The following UMODL1 variants were observed in gnomAD, a reference collection of about 807,000 sequenced individuals.
UMODL1 encodes uromodulin like 1, also known as uromodulin-like 1.
In UMODL1, 128 loss-of-function variants were observed where a neutral mutation model predicts 136.3. That is an observed-to-expected ratio of 0.94 (90% CI 0.81 to 1.09). The LOEUF (loss-of-function observed/expected upper bound fraction) is 1.09, where lower values mean the gene tolerates loss of function less well. Among genes scored for constraint, UMODL1 ranks in the 50% least tolerant of loss-of-function variants. The pLI is 0.00. For missense variants in UMODL1, 1,766 were observed against 1,725.6 expected, an observed-to-expected ratio of 1.02 and a Z score of -0.41; for synonymous variants, 721 against 720.0, an observed-to-expected ratio of 1.00 and a Z score of -0.02.
At chr21:42,136,453 T>C (rs2067206218) in intron 21 of UMODL1, among the ~76,000 whole-genome samples, 2 of 152,370 alleles carry the variant, frequency 1.3e-5, no homozygotes, top group South Asian at 4.1e-4. Flanking sequence ...ATGTTATTGG[T>C]GCCTCTTGGG....
At chr21:42,076,321 G>A in intron 2 of UMODL1, 74 bp downstream of exon 2, 2 of 1,588,904 alleles carry the variant, frequency 1.3e-6, no homozygotes, top group Non-Finnish European at 1.7e-6. Flanking sequence ...GTCACCGTTG[G>A]CATCCATTGG....
At position 42,113,559 on chromosome 21, in the gene UMODL1, A is replaced by G. The variant is rs1192561461; in HGVS notation, c.2105-14A>G. 5.0e-6 allele frequency: 8 copies of G among 1,597,878 alleles called. No individual in the cohort carries two copies. The highest frequency in any genetic ancestry group is 6.8e-6 in the Non-Finnish European group (8 of 1,169,022). On this transcript the variant is annotated splice_polypyrimidine_tract_variant and intron_variant, in intron 12 of 22. Transcript: ENST00000408910. ...GCTTGATTGTAATTTTGGTGTTTAT[A>G]TTCCACTTCCCAGTTCCTGTCTCCA...
intron 6 of UMODL1, among the ~76,000 whole-genome samples, chr21:42,094,376 G>C (rs1025910122): frequency 6.6e-6 from 1 of 152,268 alleles, no homozygotes; most frequent in Non-Finnish European, 1.5e-5. Flanking sequence ...GGGCCAGACT[G>C]TCAGACGTGG....
At chr21:42,063,458 G>T (rs1279214182) in intron 1 of UMODL1, among the ~76,000 whole-genome samples, 1 of 152,224 alleles carries the variant, frequency 6.6e-6, no homozygotes, top group Non-Finnish European at 1.5e-5. Flanking sequence ...CTGGAGGCCA[G>T]GCATTGGGAT....
chr21:42,132,130 T>C (rs1450920143), intron 21 of UMODL1, among the ~76,000 whole-genome samples: 2 of 152,072 alleles, frequency 1.3e-5, no homozygotes. Context: ...CATCTTTCCA[T>C]CTATCATTTT....
At chr21:42,120,029 C>A (rs1004371449) in intron 15 of UMODL1, among the ~76,000 whole-genome samples, 4 of 151,050 alleles carry the variant, frequency 2.6e-5, no homozygotes, top group African/African-American at 9.8e-5. Flanking sequence ...ATATTAAGAA[C>A]CTGATGGATA....
intron 2 of UMODL1, among the ~76,000 whole-genome samples, chr21:42,078,014 G>T (rs539053049): frequency 9.2e-5 from 14 of 152,302 alleles, no homozygotes; most frequent in Admixed American, 2.0e-4. Context: ...CGTTTCTGTT[G>T]CCCCGTTCAG....
intron 14 of UMODL1, among the ~76,000 whole-genome samples, chr21:42,117,664 C>T (rs1486483126): frequency 1.3e-5 from 2 of 152,218 alleles, no homozygotes; most frequent in Admixed American, 6.5e-5. Flanking sequence ...CAAACCCCAG[C>T]GCTTCCCCCA....
intron 2 of UMODL1, among the ~76,000 whole-genome samples, chr21:42,080,812 A>C (rs141370005): frequency 2.3e-3 from 355 of 152,356 alleles, no homozygotes; most frequent in Admixed American, 8.3e-3. Flanking sequence ...TTTACCACTC[A>C]GCAATGTATC....
At chr21:42,095,472 G>T (rs572629087) in intron 6 of UMODL1, among the ~76,000 whole-genome samples, 1 of 110,310 alleles carries the variant, frequency 9.1e-6, no homozygotes, top group African/African-American at 3.3e-5. Context: ...GTGTGTGTGT[G>T]TGTGTCTGTG....
chr21:42,114,528 C>T (rs2066879089), intron 13 of UMODL1, among the ~76,000 whole-genome samples: 1 of 151,328 alleles, frequency 6.6e-6, no homozygotes, highest in South Asian at 2.1e-4. Context: ...GCGCACACCC[C>T]TTGAGGGAGG....
chr21:42,071,236 G>A, upstream of UMODL1: 2 of 1,367,356 alleles, frequency 1.5e-6, no homozygotes, highest in Non-Finnish European at 1.9e-6. Context: ...GGCAGCTCAG[G>A]CCCCTATGAG....
At chr21:42,087,535 A>T (rs2066440038) in intron 4 of UMODL1, among the ~76,000 whole-genome samples, 1 of 152,264 alleles carries the variant, frequency 6.6e-6, no homozygotes, top group Non-Finnish European at 1.5e-5. Flanking sequence ...ATATGAAATG[A>T]GGAAAGTGAT....
In UMODL1 at chr21:42,099,766, G is replaced by A. The variant is rs867843118; in HGVS notation, c.1186+586G>A. Among the ~76,000 whole-genome samples, 1 of 152,044 alleles carries A rather than the reference G, an allele frequency of 6.6e-6. No homozygotes were observed. Among genetic ancestry groups the A allele is most frequent in the African/African-American group, 2.4e-5 (1 of 41,392 alleles). ...TATGATCACAGCTCGCTGCGGCCTC[G>A]ACCCCCTGGACTCAAGTGATCCTGC... On this transcript the variant is annotated intron_variant, in intron 7 of 22. Coordinates refer to ENST00000408910, the MANE Select transcript of UMODL1 (RefSeq NM_001004416.3). The surrounding 1 kb of genome is among the most constrained non-coding windows in gnomAD (Gnocchi z 4.1).
chr21:42,094,948 A>G (rs1400797441), intron 6 of UMODL1, among the ~76,000 whole-genome samples: 1 of 152,046 alleles, frequency 6.6e-6, no homozygotes, highest in East Asian at 1.9e-4. Context: ...TGAAATAGTT[A>G]CCACTGGGCC....
intron 2 of UMODL1, among the ~76,000 whole-genome samples, chr21:42,079,645 A>G (rs2066336947): frequency 6.6e-6 from 1 of 152,218 alleles, no homozygotes; most frequent in African/African-American, 2.4e-5. Context: ...GCCTGAGTGC[A>G]TTCTTTCTAA....
Position 42,119,045 on chromosome 21 carries a change from G to A in UMODL1, c.2476-66G>A, listed in dbSNP as rs116644771. On this transcript the variant is annotated intron_variant, in intron 14 of 22. Transcript: ENST00000408910. ...GCTGGGCAGACTGGCAGGAGGAACC[G>A]CCTTGAGACGGGCATCTGTTTCCTC... 2,492 of 1,534,746 alleles carry A rather than the reference G, an allele frequency of 1.6e-3. 35 individuals are homozygous for A. The African/African-American group carries it at 0.03, about 18-fold the overall frequency.
intron 6 of UMODL1, among the ~76,000 whole-genome samples, chr21:42,094,840 A>C (rs561025702): frequency 2.6e-5 from 4 of 152,272 alleles, no homozygotes; most frequent in African/African-American, 9.6e-5. Flanking sequence ...AATTTCGTAG[A>C]TATGTAAGTT....
chr21:42,127,887 C>A (rs1045514994), intron 20 of UMODL1, 56 bp downstream of exon 20: 6 of 1,601,436 alleles, frequency 3.7e-6, no homozygotes, highest in Admixed American at 1.7e-5. Flanking sequence ...CTTATTGTTA[C>A]GGTTCGAGGC....
Sources: gnomAD v4.1 joint callset for allele counts (sites outside exome capture counted in the v4.1 genomes callset) on GRCh38, gnomAD v4.1.1 for gene constraint, Gnocchi (gnomAD v3.1) non-coding constraint, MANE v1.5 for transcripts, NCBI Gene and HGNC (gene_info 2026-07-23, HGNC 2026-07-21) for gene names.